Variants in MDGA2 observed in about 807,000 individuals in gnomAD.
MDGA2 encodes the protein MAM domain-containing glycosylphosphatidylinositol anchor protein 2.
Under a neutral mutation model 117.8 loss-of-function variants are expected in MDGA2, and 40 were observed. The observed-to-expected ratio is 0.34, with a 90% CI of 0.26 to 0.44. MDGA2 has a LOEUF of 0.44. Ranked by LOEUF, MDGA2 falls within the 20% of genes least tolerant of loss-of-function variation. The probability of loss-of-function intolerance (pLI) is 1.00; values close to 1 mark genes in which losing one functional copy is unlikely to be tolerated. For synonymous variants in MDGA2, 452 were observed against 439.0 expected (o/e 1.03, Z -0.37); for missense variants, 1,123 against 1,250.6 (o/e 0.90, Z 1.54).
At chr14:47,157,595 A>ATGTGTG (rs55697311) in intron 3 of MDGA2, among the ~76,000 whole-genome samples, 1,881 of 144,496 alleles carry the variant, frequency 0.013, 38 homozygotes, top group African/African-American at 0.037. Flanking sequence ...ATGTACATAT[A>ATGTGTG]TGTGTGTGTG....
At chr14:47,620,503 T>C (rs765978464) in intron 1 of MDGA2, among the ~76,000 whole-genome samples, 4 of 152,242 alleles carry the variant, frequency 2.6e-5, no homozygotes, top group Non-Finnish European at 4.4e-5. Flanking sequence ...TAGATGTATA[T>C]TGTAGATGCG....
At chr14:47,084,512 A>C (rs1479037580) in intron 6 of MDGA2, among the ~76,000 whole-genome samples, 10 of 151,746 alleles carry the variant, frequency 6.6e-5, no homozygotes, top group Non-Finnish European at 1.5e-4. Context: ...AAAAAAAAAA[A>C]AACTGACATG....
chr14:47,393,676 T>C (rs1891945756), intron 1 of MDGA2, among the ~76,000 whole-genome samples: 1 of 152,104 alleles, frequency 6.6e-6, no homozygotes, highest in Non-Finnish European at 1.5e-5. Flanking sequence ...CCTTCAAAAT[T>C]TTATAAGCTT....
chr14:47,241,097 C>G (rs561175122), intron 2 of MDGA2, among the ~76,000 whole-genome samples: 1 of 151,920 alleles, frequency 6.6e-6, no homozygotes, highest in African/African-American at 2.4e-5. Flanking sequence ...GATGACCAAT[C>G]CAGGAGATGG....
intron 2 of MDGA2, among the ~76,000 whole-genome samples, chr14:47,231,996 T>G (rs965592129): frequency 3.9e-5 from 6 of 152,058 alleles, no homozygotes; most frequent in African/African-American, 1.2e-4. Flanking sequence ...CTCCATATGA[T>G]TGCCCCATAT....
intron 5 of MDGA2, among the ~76,000 whole-genome samples, chr14:47,113,884 A>C (rs1160913026): frequency 6.6e-6 from 1 of 152,150 alleles, no homozygotes; most frequent in African/African-American, 2.4e-5. Context: ...CCTAATCAAC[A>C]TAGTACTGGA....
At chr14:46,866,745 A>C (rs1457298280) in intron 14 of MDGA2, among the ~76,000 whole-genome samples, 2 of 152,032 alleles carry the variant, frequency 1.3e-5, no homozygotes, top group Non-Finnish European at 2.9e-5. Context: ...ATGAACAGAC[A>C]CTTCTCAAAA....
At chr14:47,188,453 C>T (rs547037396) in intron 3 of MDGA2, among the ~76,000 whole-genome samples, 5 of 152,276 alleles carry the variant, frequency 3.3e-5, no homozygotes, top group African/African-American at 9.6e-5. Flanking sequence ...CCAACAATCA[C>T]GTGAGTAAGC....
chr14:46,855,746 TTTG>T lies in MDGA2; in HGVS notation c.2753-595_2753-593del, dbSNP rs1881245363. Among the ~76,000 whole-genome samples, 1 of 152,192 alleles carries T rather than the reference TTTG, an allele frequency of 6.6e-6. No individual in the cohort carries two copies. Among genetic ancestry groups the T allele is most frequent in the East Asian group, 1.9e-4 (1 of 5,192 alleles). ...TTTTAGATCATGAAGTTGGTGATCA[TTTG>T]TTATTTGTTACAGTAGCAAGAGGAA... On this transcript the variant is annotated intron_variant, in intron 14 of 16. Coordinates refer to ENST00000399232, the MANE Select transcript of MDGA2 (RefSeq NM_001113498.3). The surrounding 1 kb of genome is among the most constrained non-coding windows in gnomAD (Gnocchi z 4.1).
At chr14:46,849,204 T>C (rs1880963587) in intron 15 of MDGA2, among the ~76,000 whole-genome samples, 1 of 151,980 alleles carries the variant, frequency 6.6e-6, no homozygotes, top group South Asian at 2.1e-4. Flanking sequence ...AAAGAATCTA[T>C]TTTAATAGGC....
chr14:47,672,564 TC>T (rs1248809352), intron 1 of MDGA2, among the ~76,000 whole-genome samples: 1 of 152,108 alleles, frequency 6.6e-6, no homozygotes. Flanking sequence ...TACCACTGTC[TC>T]CCCACGTCCC....
intron 5 of MDGA2, among the ~76,000 whole-genome samples, chr14:47,101,633 A>G (rs566952531): frequency 9.1e-4 from 138 of 152,340 alleles, no homozygotes; most frequent in African/African-American, 3.2e-3. Flanking sequence ...CAGAGAGACC[A>G]GCTAGCACTG....
At chr14:47,086,495 T>G (rs974939460) in intron 6 of MDGA2, among the ~76,000 whole-genome samples, 1 of 152,104 alleles carries the variant, frequency 6.6e-6, no homozygotes, top group African/African-American at 2.4e-5. Flanking sequence ...TAAAACCACA[T>G]GCAATTCAAA....
At chr14:47,433,353 T>C (rs1892836739) in intron 1 of MDGA2, among the ~76,000 whole-genome samples, 1 of 152,094 alleles carries the variant, frequency 6.6e-6, no homozygotes, top group Non-Finnish European at 1.5e-5. Flanking sequence ...AAAAACGTGA[T>C]GTTCCTCCAC....
chr14:46,874,990 A>C (rs1489575108), intron 12 of MDGA2, among the ~76,000 whole-genome samples: 3 of 151,906 alleles, frequency 2.0e-5, no homozygotes, highest in African/African-American at 7.2e-5. Flanking sequence ...AAGGTCCACT[A>C]GACACATTAT....
chr14:47,546,885 G>A (rs758336278), intron 1 of MDGA2, among the ~76,000 whole-genome samples: 1 of 152,122 alleles, frequency 6.6e-6, no homozygotes, highest in Non-Finnish European at 1.5e-5. Flanking sequence ...CTGATGCCTA[G>A]AACAGTACCT....
intron 2 of MDGA2, among the ~76,000 whole-genome samples, chr14:47,275,982 G>C (rs915920487): frequency 6.6e-6 from 1 of 152,106 alleles, no homozygotes; most frequent in African/African-American, 2.4e-5. Flanking sequence ...GGTTTGACTA[G>C]ACAGTCTTTT....
intron 8 of MDGA2, among the ~76,000 whole-genome samples, chr14:47,000,418 TAC>T (rs1197331094): frequency 7.2e-6 from 1 of 138,042 alleles, no homozygotes; most frequent in African/African-American, 2.6e-5. Context: ...TTTATATATA[TAC>T]ACATATAAAT....
Position 46,985,430 on chromosome 14 carries a change from T to A in MDGA2, c.1820-27787A>T, listed in dbSNP as rs184635184. The stretch of plus-strand genomic sequence containing the variant: ...TAGTGGATTACACATTTATATGTAA[T>A]CATACATGTAAGTTTTTATGTCCCA... On this transcript the variant is annotated intron_variant, in intron 8 of 16. Transcript: ENST00000399232. 2.0e-3 allele frequency among the ~76,000 whole-genome samples: 300 copies of A among 152,162 alleles called. 4 individuals are homozygous for A. The highest frequency in any genetic ancestry group is 7.0e-3 in the African/African-American group (292 of 41,544).
Sources: allele counts gnomAD v4.1 joint callset (sites outside exome capture counted in the v4.1 genomes callset), GRCh38; gene constraint gnomAD v4.1.1; non-coding constraint Gnocchi (gnomAD v3.1); transcripts MANE v1.5; gene names NCBI Gene and HGNC (gene_info 2026-07-23, HGNC 2026-07-21).